Variants in CSMD1 observed in about 807,000 individuals in gnomAD.
CSMD1 encodes CUB and sushi domain-containing protein 1.
A neutral mutation model predicts 417.5 loss-of-function variants in CSMD1; 213 were observed. That is an observed-to-expected ratio of 0.51 (90% CI 0.46 to 0.57). The LOEUF (loss-of-function observed/expected upper bound fraction) is 0.57. Ranked by LOEUF, CSMD1 falls within the 20% of genes least tolerant of loss-of-function variation. CSMD1 has a pLI of 0.00. For synonymous variants in CSMD1, 2,862 were observed against 1,736.8 expected (o/e 1.65, Z -16.11); for missense variants, 6,923 against 4,529.7 (o/e 1.53, Z -15.17).
rs574960956 is a variant in CSMD1, at chr8:3,568,072, A to G, written c.1344+6873T>C. On this transcript the variant is annotated intron_variant, in intron 10 of 69. Coordinates refer to ENST00000635120, the MANE Select transcript of CSMD1 (RefSeq NM_033225.6). ...GTGCTTCAGAGTATTGATTTACTTA[A>G]TATGTTTAAAAATAATTTTATAATT... Among the ~76,000 whole-genome samples the G allele has an allele frequency of 1.3e-3, 204 of 152,308 alleles. 3 individuals carry two copies. Among genetic ancestry groups the G allele is most frequent in the African/African-American group, 4.5e-3 (188 of 41,566 alleles).
chr8:4,732,409 C>T (rs1752515498), intron 1 of CSMD1, among the ~76,000 whole-genome samples: 2 of 151,218 alleles, frequency 1.3e-5, no homozygotes, highest in South Asian at 4.2e-4. Flanking sequence ...GATTCTCACT[C>T]TGGACATGCA....
intron 2 of CSMD1, among the ~76,000 whole-genome samples, chr8:4,629,965 A>C (rs1435611156): frequency 6.6e-6 from 1 of 152,138 alleles, no homozygotes; most frequent in African/African-American, 2.4e-5. Context: ...CAATATTTGA[A>C]TACTTTTCCA....
rs986723587 is a variant in CSMD1, at chr8:3,219,264, C to T, written c.4663G>A (p.Glu1555Lys). The change falls in exon 29 of 70, where the codon GAA becomes AAA. Residue 1555 changes from glutamate to lysine, a missense_variant. Transcript: ENST00000635120. ...ASVGLSGFAIEFKEKPREACF... is the reference protein window; with the variant it reads ...ASVGLSGFAIKFKEKPREACF... ...CAGGCAATCGCAATACCTTTAAATT[C>T]AATGGCGAACCCTGAAAGGCCCACG... is the stretch of plus-strand genomic sequence containing the variant. 1 of 1,590,596 alleles carries T rather than the reference C, an allele frequency of 6.3e-7. No individual in the cohort carries two copies. Among genetic ancestry groups the T allele is most frequent in the East Asian group, 2.3e-5 (1 of 44,102 alleles).
intron 4 of CSMD1, among the ~76,000 whole-genome samples, chr8:4,030,785 T>C (rs1797302723): frequency 6.6e-6 from 1 of 152,206 alleles, no homozygotes; most frequent in Non-Finnish European, 1.5e-5. Context: ...TTTTATGCTT[T>C]GCTTGCCTTA....
At chr8:4,716,694 A>C (rs1445302798) in intron 1 of CSMD1, among the ~76,000 whole-genome samples, 2 of 152,220 alleles carry the variant, frequency 1.3e-5, no homozygotes, top group African/African-American at 4.8e-5. Flanking sequence ...TGATAATTAG[A>C]GGACTATTCA....
chr8:3,193,764 G>A (rs1051973102), intron 33 of CSMD1, among the ~76,000 whole-genome samples: 3 of 152,158 alleles, frequency 2.0e-5, no homozygotes, highest in African/African-American at 4.8e-5. Flanking sequence ...CTCCTCTGGG[G>A]CTTTGAGGTG....
chr8:4,456,059 CAAAAA>C (rs34519287), intron 2 of CSMD1, among the ~76,000 whole-genome samples: 36,876 of 118,364 alleles, frequency 0.31, 5,327 homozygotes, highest in Middle Eastern at 0.41. Context: ...TATCATTGAC[CAAAAA>C]AAAAAAAAAA....
intron 1 of CSMD1, among the ~76,000 whole-genome samples, chr8:4,656,400 G>C (rs1380646284): frequency 6.6e-6 from 1 of 151,824 alleles, no homozygotes; most frequent in Non-Finnish European, 1.5e-5. Flanking sequence ...AGTAAAGTGG[G>C]GACACTTTGA....
intron 3 of CSMD1, among the ~76,000 whole-genome samples, chr8:4,064,981 G>C (rs550673613): frequency 1.3e-5 from 2 of 151,126 alleles, no homozygotes; most frequent in South Asian, 2.1e-4. Context: ...ACTAACTTTT[G>C]TGTCAGTTTT....
At chr8:3,370,299 A>C (rs1389614312) in intron 18 of CSMD1, among the ~76,000 whole-genome samples, 1 of 152,184 alleles carries the variant, frequency 6.6e-6, no homozygotes, top group Non-Finnish European at 1.5e-5. Flanking sequence ...GAATAAAAGG[A>C]AATGGAGTCA....
At chr8:4,378,670 C>A (rs565434412) in intron 3 of CSMD1, among the ~76,000 whole-genome samples, 5 of 152,204 alleles carry the variant, frequency 3.3e-5, no homozygotes, top group Non-Finnish European at 5.9e-5. Flanking sequence ...TAATCATCCC[C>A]TTCCTGTCCC....
At chr8:4,419,576 C>T (rs928191605) in intron 3 of CSMD1, among the ~76,000 whole-genome samples, 1 of 152,298 alleles carries the variant, frequency 6.6e-6, no homozygotes, top group East Asian at 1.9e-4. Flanking sequence ...TTCCTTTACT[C>T]AAGCACTATC....
intron 12 of CSMD1, among the ~76,000 whole-genome samples, chr8:3,444,175 G>A (rs1263585150): frequency 1.3e-5 from 2 of 152,120 alleles, no homozygotes; most frequent in South Asian, 2.1e-4. Context: ...AGATCATAAT[G>A]TTGAAATATC....
intron 5 of CSMD1, among the ~76,000 whole-genome samples, chr8:3,848,878 TAA>T (rs928054617): frequency 9.2e-5 from 14 of 151,682 alleles, no homozygotes; most frequent in African/African-American, 3.2e-4. Context: ...CCAGAAATGC[TAA>T]AGAGTGATAT....
intron 3 of CSMD1, among the ~76,000 whole-genome samples, chr8:4,134,170 A>C (rs1372725777): frequency 1.3e-5 from 2 of 152,182 alleles, no homozygotes; most frequent in Admixed American, 1.3e-4. Context: ...TGTATGTTTG[A>C]CTATTTAAAA....
chr8:3,871,078 C>T (rs139750155), intron 5 of CSMD1, among the ~76,000 whole-genome samples: 8 of 152,012 alleles, frequency 5.3e-5, no homozygotes, highest in African/African-American at 1.9e-4. Flanking sequence ...GTATGTTAAG[C>T]CTTATTTAAC....
chr8:3,287,064 C>A (rs1013474799), intron 25 of CSMD1, among the ~76,000 whole-genome samples: 2 of 152,136 alleles, frequency 1.3e-5, no homozygotes, highest in African/African-American at 4.8e-5. Flanking sequence ...TTCCCAGCAC[C>A]ATTTATTAAA....
intron 3 of CSMD1, among the ~76,000 whole-genome samples, chr8:4,410,798 C>T (rs2128934472): frequency 6.6e-6 from 1 of 152,250 alleles, no homozygotes; most frequent in East Asian, 1.9e-4. Context: ...AGACTCCCCT[C>T]TGCAATGGTT....
chr8:3,515,501 G>T (rs2117421331), intron 10 of CSMD1: 1 of 124,960 alleles, frequency 8.0e-6, no homozygotes, highest in Admixed American at 7.8e-5. Context: ...AGTACCACTG[G>T]AAAAATAAAA....
Sources: allele counts gnomAD v4.1 joint callset (sites outside exome capture counted in the v4.1 genomes callset), GRCh38; gene constraint gnomAD v4.1.1; transcripts MANE v1.5; gene names NCBI Gene and HGNC (gene_info 2026-07-23, HGNC 2026-07-21).